CHRM2: variants seen among roughly 807,000 people sequenced by gnomAD.
CHRM2 encodes cholinergic receptor muscarinic 2.
A neutral mutation model predicts 25.0 loss-of-function variants in CHRM2; 8 were observed. The observed-to-expected ratio is 0.32, with a 90% CI of 0.19 to 0.58. The LOEUF is 0.58. Among genes scored for constraint, CHRM2 ranks in the 20% least tolerant of loss-of-function variants. CHRM2 has a pLI of 0.88. For missense variants in CHRM2, 440 were observed against 567.1 expected (o/e 0.78, Z 2.28); for synonymous variants, 202 against 205.7 (o/e 0.98, Z 0.15).
At chr7:136,895,132 T>G (rs76020114) in intron 2 of CHRM2, among the ~76,000 whole-genome samples, 2,121 of 152,288 alleles carry the variant, frequency 0.014, 43 homozygotes, top group African/African-American at 0.048. Context: ...AATAAAATAT[T>G]TTTAATGCTT....
chr7:136,904,113 T>C (rs1797396644), intron 2 of CHRM2, among the ~76,000 whole-genome samples: 1 of 151,930 alleles, frequency 6.6e-6, no homozygotes, highest in African/African-American at 2.4e-5. Context: ...TTTGTTTTTT[T>C]AATTTTTGAG....
intron 2 of CHRM2, among the ~76,000 whole-genome samples, chr7:136,877,693 C>T (rs1796101249): frequency 6.6e-6 from 1 of 151,850 alleles, no homozygotes; most frequent in Non-Finnish European, 1.5e-5. Flanking sequence ...TCTGATGATC[C>T]CAAGTAACAG....
intron 3 of CHRM2, among the ~76,000 whole-genome samples, chr7:137,006,858 T>G (rs186448446): frequency 6.6e-6 from 1 of 152,148 alleles, no homozygotes; most frequent in Admixed American, 6.6e-5. Context: ...CTAGAATACT[T>G]TCAACACATC....
At chr7:136,891,702 C>T (rs1164415429) in intron 2 of CHRM2, among the ~76,000 whole-genome samples, 1 of 152,182 alleles carries the variant, frequency 6.6e-6, no homozygotes, top group East Asian at 1.9e-4. Flanking sequence ...GTTTCTTGGA[C>T]ATAACATGCC....
chr7:136,971,503 G>A (rs1462121711), intron 2 of CHRM2, among the ~76,000 whole-genome samples: 1 of 151,648 alleles, frequency 6.6e-6, no homozygotes, highest in African/African-American at 2.4e-5. Flanking sequence ...TGTAATCGAA[G>A]CTACTTGGGA....
chr7:136,997,596 T>C (rs1050600394), intron 3 of CHRM2, among the ~76,000 whole-genome samples: 9 of 152,138 alleles, frequency 5.9e-5, no homozygotes, highest in African/African-American at 4.8e-5. Flanking sequence ...AGATACAGCA[T>C]CTTTGAGACT....
At chr7:137,000,661 C>G (rs1229072425) in intron 3 of CHRM2, among the ~76,000 whole-genome samples, 1 of 150,148 alleles carries the variant, frequency 6.7e-6, no homozygotes, top group Non-Finnish European at 1.5e-5. Flanking sequence ...ACCTACCTTT[C>G]CTTTAAATCA....
chr7:136,964,607 C>G (rs963201604), intron 2 of CHRM2, among the ~76,000 whole-genome samples: 5 of 152,114 alleles, frequency 3.3e-5, no homozygotes, highest in African/African-American at 1.2e-4. Context: ...CCTCCTTTTT[C>G]CTTTGCACAC....
At chr7:136,898,492 T>C (rs775376122) in intron 2 of CHRM2, among the ~76,000 whole-genome samples, 6 of 135,472 alleles carry the variant, frequency 4.4e-5, no homozygotes, top group African/African-American at 8.5e-5. Context: ...ATTGCATGCC[T>C]GTGTGTATGT....
At chr7:136,933,989 G>C (rs1041857248) in intron 2 of CHRM2, among the ~76,000 whole-genome samples, 5 of 152,054 alleles carry the variant, frequency 3.3e-5, no homozygotes, top group African/African-American at 1.2e-4. Context: ...TCAGAAGATG[G>C]TAAAAAATGT....
At chr7:137,011,040 C>G (rs570283412) in intron 3 of CHRM2, among the ~76,000 whole-genome samples, 2 of 151,676 alleles carry the variant, frequency 1.3e-5, no homozygotes. Flanking sequence ...AGTTTTATCA[C>G]GTTAAGGGAA....
At chr7:136,900,881 C>G (rs2130616824) in intron 2 of CHRM2, among the ~76,000 whole-genome samples, 1 of 152,060 alleles carries the variant, frequency 6.6e-6, no homozygotes, top group Non-Finnish European at 1.5e-5. Flanking sequence ...AGCAGGGGAA[C>G]ACTGAAAGAT....
chr7:136,919,531 C>T (rs1798306563), intron 2 of CHRM2, among the ~76,000 whole-genome samples: 1 of 152,046 alleles, frequency 6.6e-6, no homozygotes, highest in African/African-American at 2.4e-5. Flanking sequence ...CTTCAATAAC[C>T]TCTGTTACCT....
Position 136,938,344 on chromosome 7 carries a change from TG to T in CHRM2, c.-124-53842del, listed in dbSNP as rs1177744624. ...GTCCATGTTGCTCCGAGTCGTCGTC[TG>T]CTGCTGCAGGAGGCTCCACTTGGTC... On this transcript the variant is annotated intron_variant, in intron 2 of 3. Coordinates refer to ENST00000680005, the MANE Select transcript of CHRM2 (RefSeq NM_001006630.2). The T allele has an allele frequency of 3.8e-6, 6 of 1,565,268 alleles. No individual in the cohort carries two copies. The African/African-American group carries it at 8.1e-5, about 21-fold the overall frequency.
At chr7:136,925,641 C>A (rs1438437346) in intron 2 of CHRM2, among the ~76,000 whole-genome samples, 1 of 152,024 alleles carries the variant, frequency 6.6e-6, no homozygotes. Context: ...GAGGATCCCA[C>A]CCCATTGACT....
intron 2 of CHRM2, among the ~76,000 whole-genome samples, chr7:136,983,706 C>A (rs324621): frequency 1.3e-5 from 2 of 152,112 alleles, no homozygotes; most frequent in African/African-American, 4.8e-5. Context: ...TCTGCATGTC[C>A]GCTGGAGTTT....
At chr7:136,882,269 ATTCAACTCCTTTATACAACAAAATTCT>A (rs542550503) in intron 2 of CHRM2, among the ~76,000 whole-genome samples, 14 of 152,146 alleles carry the variant, frequency 9.2e-5, no homozygotes, top group African/African-American at 3.4e-4. Flanking sequence ...CATACGTTAT[ATTCAACTCCTTTATACAACAAAATTCT>A]TTTGATATTC....
At chr7:136,916,319 T>C (rs540080622) in intron 2 of CHRM2, among the ~76,000 whole-genome samples, 1 of 152,046 alleles carries the variant, frequency 6.6e-6, no homozygotes, top group African/African-American at 2.4e-5. Flanking sequence ...TCATTTTAAA[T>C]AATATACTAT....
chr7:136,965,499 T>G (rs895241322), intron 2 of CHRM2, among the ~76,000 whole-genome samples: 3 of 152,066 alleles, frequency 2.0e-5, no homozygotes, highest in Non-Finnish European at 4.4e-5. Flanking sequence ...TATTACATTT[T>G]GCCAAAGGAA....
Sources: gnomAD v4.1 joint callset for allele counts (sites outside exome capture counted in the v4.1 genomes callset) on GRCh38, gnomAD v4.1.1 for gene constraint, MANE v1.5 for transcripts, NCBI Gene and HGNC (gene_info 2026-07-23, HGNC 2026-07-21) for gene names.